SMOC2: variants seen among roughly 807,000 people sequenced by gnomAD.
SMOC2 encodes SPARC related modular calcium binding 2.
A neutral mutation model predicts 61.4 loss-of-function variants in SMOC2; 39 were observed. The ratio of observed to expected loss-of-function variants is 0.64; its 90% CI spans 0.49 to 0.83. The LOEUF (loss-of-function observed/expected upper bound fraction) is 0.83. SMOC2 is among the 40% of genes least tolerant of loss of function. The probability of loss-of-function intolerance (pLI) is 0.00; values close to 1 mark genes in which losing one functional copy is unlikely to be tolerated. For synonymous variants in SMOC2, 247 were observed against 239.9 expected (o/e 1.03, Z -0.27); for missense variants, 556 against 592.9 (o/e 0.94, Z 0.65).
chr6:168,523,476 C>T (rs572334753), intron 2 of SMOC2, among the ~76,000 whole-genome samples: 2 of 151,344 alleles, frequency 1.3e-5, no homozygotes, highest in South Asian at 4.2e-4. Context: ...CAATCTCTGC[C>T]TCCCAGGTTC....
At chr6:168,493,463 G>C (rs1583055326) in intron 1 of SMOC2, among the ~76,000 whole-genome samples, 1 of 152,178 alleles carries the variant, frequency 6.6e-6, no homozygotes. Flanking sequence ...TTTGCATGAT[G>C]ATGAAGGCAA....
chr6:168,628,988 C>A (rs941737339), intron 9 of SMOC2, among the ~76,000 whole-genome samples: 2 of 152,238 alleles, frequency 1.3e-5, no homozygotes, highest in Non-Finnish European at 2.9e-5. Context: ...GGGGTTCCAC[C>A]CTCCGCGTTG....
chr6:168,570,034 T>A (rs1380195309), intron 7 of SMOC2, among the ~76,000 whole-genome samples: 1 of 152,050 alleles, frequency 6.6e-6, no homozygotes, highest in Non-Finnish European at 1.5e-5. Context: ...ATTAAAGGCG[T>A]AAGGTCCGTG....
At chr6:168,518,503 G>GTA (rs1783209512) in intron 2 of SMOC2, among the ~76,000 whole-genome samples, 1 of 151,050 alleles carries the variant, frequency 6.6e-6, no homozygotes, top group Non-Finnish European at 1.5e-5. Context: ...GTGCATGTGT[G>GTA]AATGTGTGTA....
At chr6:168,522,247 G>C (rs1783345860) in intron 2 of SMOC2, among the ~76,000 whole-genome samples, 1 of 152,098 alleles carries the variant, frequency 6.6e-6, no homozygotes, top group African/African-American at 2.4e-5. Context: ...CTGTTGGCTG[G>C]ACATACAACG....
intron 1 of SMOC2, among the ~76,000 whole-genome samples, chr6:168,457,374 A>C (rs948408021): frequency 6.6e-6 from 1 of 152,170 alleles, no homozygotes; most frequent in Non-Finnish European, 1.5e-5. Context: ...CAACACAAGC[A>C]GTGCCCGAGG....
At chr6:168,455,607 G>A (rs1781564379) in intron 1 of SMOC2, among the ~76,000 whole-genome samples, 1 of 152,036 alleles carries the variant, frequency 6.6e-6, no homozygotes, top group Non-Finnish European at 1.5e-5. Flanking sequence ...ACCTTATAAA[G>A]GTTACACAGA....
At chr6:168,505,161 G>T (rs558221799) in intron 1 of SMOC2, among the ~76,000 whole-genome samples, 1 of 148,934 alleles carries the variant, frequency 6.7e-6, no homozygotes, top group Non-Finnish European at 1.5e-5. Context: ...TCAGATGCCA[G>T]ATGAATGAGT....
chr6:168,633,098 T>C (rs556533589), intron 9 of SMOC2, among the ~76,000 whole-genome samples: 37 of 152,332 alleles, frequency 2.4e-4, no homozygotes, highest in African/African-American at 8.2e-4. Context: ...TTTGAGGACG[T>C]AGGGCTGAGA....
chr6:168,493,784 T>G (rs1782523896), intron 1 of SMOC2, among the ~76,000 whole-genome samples: 1 of 152,268 alleles, frequency 6.6e-6, no homozygotes, highest in African/African-American at 2.4e-5. Flanking sequence ...TTTTCTTTTC[T>G]TAGTTAAATG....
intron 7 of SMOC2, among the ~76,000 whole-genome samples, chr6:168,594,338 C>G (rs139474048): frequency 0.026 from 91 of 3,490 alleles, 11 homozygotes; most frequent in Admixed American, 0.042. Flanking sequence ...TCTAGAGGAT[C>G]GCCGAGCTCC....
intron 7 of SMOC2, among the ~76,000 whole-genome samples, chr6:168,594,131 C>G (rs879326871): frequency 4.5e-5 from 2 of 44,208 alleles, no homozygotes; most frequent in African/African-American, 1.7e-4. Flanking sequence ...TCTAGAGGAT[C>G]GCGGAGCTCC....
chr6:168,560,363 G>C (rs967637177), intron 7 of SMOC2, among the ~76,000 whole-genome samples: 1 of 152,236 alleles, frequency 6.6e-6, no homozygotes, highest in African/African-American at 2.4e-5. Flanking sequence ...TGTTGCGTCT[G>C]CATCAAAACA....
At chr6:168,664,216 TCCAAGA>T (rs1170814173) in intron 12 of SMOC2, 105 bp downstream of exon 12, 25 of 858,896 alleles carry the variant, frequency 2.9e-5, no homozygotes, top group Non-Finnish European at 4.2e-5. Flanking sequence ...TCCAAGAAAA[TCCAAGA>T]AAATAAATAA....
chr6:168,529,033 T>C (rs1018250601), intron 4 of SMOC2, among the ~76,000 whole-genome samples: 4 of 152,196 alleles, frequency 2.6e-5, no homozygotes, highest in Admixed American at 2.6e-4. Context: ...AGTGATATCA[T>C]CTGATAATTA....
intron 1 of SMOC2, among the ~76,000 whole-genome samples, chr6:168,479,539 T>G (rs1782162576): frequency 6.6e-6 from 1 of 152,218 alleles, no homozygotes; most frequent in African/African-American, 2.4e-5. Context: ...TTGCGGTTTC[T>G]AGGTAAAGGC....
chr6:168,650,192 C>T lies in SMOC2; in HGVS notation c.908-489C>T, dbSNP rs542678440. 2.0e-5 allele frequency among the ~76,000 whole-genome samples: 3 copies of T among 152,242 alleles called. No homozygotes were observed. The East Asian group carries it at 5.8e-4, about 29-fold the overall frequency. On this transcript the variant is annotated intron_variant, in intron 9 of 12. Transcript: ENST00000356284. ...GTGGTGTGGACAAGTCCCCAGGAGA[C>T]GGGCGTTGGGGAGCTCCTGCTGTTT...
intron 1 of SMOC2, among the ~76,000 whole-genome samples, chr6:168,503,265 A>T (rs560321458): frequency 5.3e-4 from 79 of 148,962 alleles, no homozygotes; most frequent in African/African-American, 1.9e-3. Context: ...TTTAGTAGAG[A>T]CGGGGTTTCA....
intron 1 of SMOC2, among the ~76,000 whole-genome samples, chr6:168,469,607 A>G (rs1781924904): frequency 1.3e-5 from 2 of 152,238 alleles, no homozygotes; most frequent in African/African-American, 4.8e-5. Context: ...CCAGGCTTGT[A>G]CGGAAAGCCA....
Sources: allele counts gnomAD v4.1 joint callset (sites outside exome capture counted in the v4.1 genomes callset), GRCh38; gene constraint gnomAD v4.1.1; transcripts MANE v1.5; gene names NCBI Gene and HGNC (gene_info 2026-07-23, HGNC 2026-07-21).